Variants in BLTP1 observed in about 807,000 individuals in gnomAD.
BLTP1 encodes bridge-like lipid transfer protein family member 1.
At chr4:122,352,805 C>T in the BLTP1 span, 3 of 1,450,770 alleles carry the variant, frequency 2.1e-6, no homozygotes, top group South Asian at 1.3e-5. Context: ...TCATCCCTCA[C>T]CTGAGACTGT....
At chr4:122,186,885 A>G in the BLTP1 span, 7 of 280,816 alleles carry the variant, frequency 2.5e-5, no homozygotes, top group Non-Finnish European at 3.2e-5. Context: ...ATTTCTTAAC[A>G]TTTGTGTACT....
At chr4:122,193,047 C>T in the BLTP1 span, among the ~76,000 whole-genome samples, 1 of 152,060 alleles carries the variant, frequency 6.6e-6, no homozygotes, top group Non-Finnish European at 1.5e-5. Flanking sequence ...TGTTGTTTTC[C>T]AGTATCTTCA....
the BLTP1 span, chr4:122,271,784 G>C: frequency 9.2e-6 from 10 of 1,086,918 alleles, no homozygotes; most frequent in Non-Finnish European, 1.3e-5. Flanking sequence ...TACCAAAGAA[G>C]CAGAAGACTG....
At chr4:122,207,381 T>G in the BLTP1 span, 1 of 1,383,402 alleles carries the variant, frequency 7.2e-7, no homozygotes, top group African/African-American at 1.5e-5. Context: ...TTCCCCCCAT[T>G]ATCTTTGTGA....
At chr4:122,224,751 T>C in the BLTP1 span, 3 of 1,610,254 alleles carry the variant, frequency 1.9e-6, no homozygotes, top group Admixed American at 3.4e-5. Context: ...AAGAATAACT[T>C]GTATGCCTGT....
chr4:122,359,737 T>C, the BLTP1 span: 1 of 1,596,410 alleles, frequency 6.3e-7, no homozygotes, highest in African/African-American at 1.3e-5. Flanking sequence ...GTAATGAGTA[T>C]ATACATTTAC....
chr4:122,328,144 T>C, the BLTP1 span: 2 of 1,608,968 alleles, frequency 1.2e-6, no homozygotes, highest in South Asian at 2.2e-5. Context: ...TCAGTAACCA[T>C]TGAAGGTCCA....
the BLTP1 span, chr4:122,333,635 T>C: frequency 2.5e-6 from 4 of 1,597,486 alleles, no homozygotes; most frequent in Admixed American, 3.6e-5. Flanking sequence ...ACAGGAGTTA[T>C]GATCGAAGTT....
the BLTP1 span, among the ~76,000 whole-genome samples, chr4:122,268,286 AG>A: frequency 6.6e-6 from 1 of 151,480 alleles, no homozygotes; most frequent in Non-Finnish European, 1.5e-5. Flanking sequence ...CTTATCAAAG[AG>A]TAGTTTGAAT....
chr4:122,290,067 A>G, the BLTP1 span, among the ~76,000 whole-genome samples: 4 of 152,132 alleles, frequency 2.6e-5, no homozygotes, highest in Non-Finnish European at 5.9e-5. Flanking sequence ...CTGAAGGAGG[A>G]CAGTGCTCCT....
At chr4:122,303,244 A>G in the BLTP1 span, among the ~76,000 whole-genome samples, 1 of 152,198 alleles carries the variant, frequency 6.6e-6, no homozygotes, top group African/African-American at 2.4e-5. Flanking sequence ...TCAGTGGAAC[A>G]ACAAAGTCTT....
chr4:122,221,400 A>G, the BLTP1 span, among the ~76,000 whole-genome samples: 1 of 152,252 alleles, frequency 6.6e-6, no homozygotes, highest in Non-Finnish European at 1.5e-5. Flanking sequence ...CTGGTTTTAA[A>G]CTTTTATTTT....
the BLTP1 span, chr4:122,334,506 AAC>A: frequency 6.2e-7 from 1 of 1,612,750 alleles, no homozygotes; most frequent in Non-Finnish European, 8.5e-7. Context: ...GAGCAAGACT[AAC>A]ACCTTACTTC....
At chr4:122,342,635 T>C in the BLTP1 span, among the ~76,000 whole-genome samples, 6 of 152,192 alleles carry the variant, frequency 3.9e-5, no homozygotes, top group Admixed American at 3.9e-4. Flanking sequence ...ATTATAGGCA[T>C]GAGCCACTGT....
the BLTP1 span, among the ~76,000 whole-genome samples, chr4:122,352,355 CTTTTTTTT>C: frequency 1.8e-5 from 2 of 111,714 alleles, no homozygotes; most frequent in Non-Finnish European, 1.9e-5. Context: ...TTTGGTTTTT[CTTTTTTTT>C]TTTTTTTTTT....
the BLTP1 span, chr4:122,261,960 C>G: frequency 3.0e-6 from 3 of 985,254 alleles, no homozygotes; most frequent in Non-Finnish European, 3.6e-6. Context: ...CTTCACAGCA[C>G]TGGTATCCAT....
chr4:122,171,107 ATAAT>A, the BLTP1 span, among the ~76,000 whole-genome samples: 1 of 152,210 alleles, frequency 6.6e-6, no homozygotes, highest in Non-Finnish European at 1.5e-5. Flanking sequence ...TACTGTAAAA[ATAAT>A]TCTATTTTTA....
At chr4:122,209,324 G>A in the BLTP1 span, 623 of 1,611,902 alleles carry the variant, frequency 3.9e-4, 3 homozygotes, top group African/African-American at 5.7e-3. Context: ...ATGGCGCAAC[G>A]TTACTCAGGA....
chr4:122,264,120 T>C, the BLTP1 span: 42 of 1,246,230 alleles, frequency 3.4e-5, no homozygotes, highest in Middle Eastern at 2.4e-4. Flanking sequence ...GCATTATTTT[T>C]TTTCTTTTCA....
Sources: allele counts gnomAD v4.1 joint callset (sites outside exome capture counted in the v4.1 genomes callset), GRCh38; gene constraint gnomAD v4.1.1; transcripts MANE v1.5; gene names NCBI Gene and HGNC (gene_info 2026-07-23, HGNC 2026-07-21).